The following MROH1 variants were observed in gnomAD, a reference collection of about 807,000 sequenced individuals.
MROH1 encodes maestro heat like repeat family member 1.
A neutral mutation model predicts 116.5 loss-of-function variants in MROH1; 117 were observed. The observed-to-expected ratio is 1.00, with a 90% CI of 0.86 to 1.17. MROH1 has a LOEUF of 1.17. Ranked by LOEUF, MROH1 falls within the 50% of genes most tolerant of loss-of-function variation. The pLI is 0.00. For missense variants in MROH1, 1,873 were observed against 1,338.5 expected, an observed-to-expected ratio of 1.40 and a Z score of -6.23; for synonymous variants, 921 against 583.9, an observed-to-expected ratio of 1.58 and a Z score of -8.32.
chr8:144,168,562 A>C (rs571399234), intron 4 of MROH1, 122 bp downstream of exon 4: 2 of 1,176,348 alleles, frequency 1.7e-6, no homozygotes, highest in Non-Finnish European at 2.4e-6. Context: ...GGGTGGCCAC[A>C]TGTCTAACCC....
chr8:144,235,796 C>A (rs1479636741), intron 14 of MROH1, among the ~76,000 whole-genome samples: 1 of 152,038 alleles, frequency 6.6e-6, no homozygotes, highest in East Asian at 1.9e-4. Flanking sequence ...TTTTCTTATG[C>A]CTTTGTATGA....
intron 1 of MROH1, among the ~76,000 whole-genome samples, chr8:144,152,755 G>T (rs1226611024): frequency 6.6e-6 from 1 of 151,966 alleles, no homozygotes; most frequent in African/African-American, 2.4e-5. Context: ...TACTGTGTTG[G>T]CCAGGATGGT....
chr8:144,253,147 C>T (rs1215045731), intron 33 of MROH1, among the ~76,000 whole-genome samples: 1 of 150,982 alleles, frequency 6.6e-6, no homozygotes, highest in African/African-American at 2.4e-5. Flanking sequence ...GAGCAAGACT[C>T]TGTCTCAAAA....
At chr8:144,208,190 C>G (rs184026893) in intron 12 of MROH1, among the ~76,000 whole-genome samples, 1 of 152,096 alleles carries the variant, frequency 6.6e-6, no homozygotes, top group Non-Finnish European at 1.5e-5. Context: ...GTGATCCGCC[C>G]GCCTCGGCCT....
chr8:144,158,331 T>C (rs1818676145), intron 1 of MROH1, among the ~76,000 whole-genome samples: 1 of 151,848 alleles, frequency 6.6e-6, no homozygotes, highest in Admixed American at 6.6e-5. Flanking sequence ...TTTCACTGTG[T>C]TGGTCAGGCT....
intron 13 of MROH1, among the ~76,000 whole-genome samples, chr8:144,222,240 G>A (rs979715031): frequency 6.6e-6 from 1 of 152,304 alleles, no homozygotes; most frequent in East Asian, 1.9e-4. Context: ...GGGGTTGGGG[G>A]CAGGGTGGCT....
intron 1 of MROH1, among the ~76,000 whole-genome samples, chr8:144,158,503 C>G (rs1190644186): frequency 6.6e-6 from 1 of 152,162 alleles, no homozygotes; most frequent in Non-Finnish European, 1.5e-5. Context: ...TTCTTCTTTT[C>G]TAAAAAGACA....
chr8:144,255,845 C>T (rs1269435516), intron 35 of MROH1, 140 bp downstream of exon 35: 1 of 633,566 alleles, frequency 1.6e-6, no homozygotes, highest in Non-Finnish European at 2.9e-6. Context: ...GCTGGCGCCT[C>T]ACCCAGGTGC....
chr8:144,185,248 C>T (rs1161334039), intron 7 of MROH1, among the ~76,000 whole-genome samples: 1 of 152,112 alleles, frequency 6.6e-6, no homozygotes, highest in Non-Finnish European at 1.5e-5. Flanking sequence ...GAAGTGGGAG[C>T]TGAGCCCTCC....
At chr8:144,185,658 G>A (rs530544403) in intron 7 of MROH1, among the ~76,000 whole-genome samples, 2 of 55,304 alleles carry the variant, frequency 3.6e-5, no homozygotes, top group Admixed American at 1.9e-4. Context: ...GGTGAGGGGC[G>A]GCGCAGGGAC....
Position 144,260,390 on chromosome 8 carries a change from CA to C in MROH1, c.4380+17del, listed in dbSNP as rs1437679689. On this transcript the variant is annotated intron_variant, in intron 39 of 43. Transcript: ENST00000326134. ...CTTCGACAGTGTAGGCTGGTTGGGG[CA>C]GGGGGAGGGAAGAGGGCCCCAGCCC... 11,070 of 709,690 alleles carry C rather than the reference CA, an allele frequency of 0.016. 126 individuals are homozygous for C. The highest frequency in any genetic ancestry group is 0.024 in the Middle Eastern group (66 of 2,782). The allele number at this position is 709,690 out of a possible 1,614,324, so 44.0% of individuals were successfully genotyped here.
Position 144,154,461 on chromosome 8 carries a change from C to G in MROH1, c.-177+6385C>G, listed in dbSNP as rs1029031299. On this transcript the variant is annotated intron_variant, in intron 1 of 43. Coordinates refer to ENST00000326134, the MANE Select transcript of MROH1 (RefSeq NM_032450.3). ...GGTGTCATTCAAGGCACTGACTAAA[C>G]CTGATGAAGAATGTGGGAGAACCAC... Among the ~76,000 whole-genome samples the G allele has an allele frequency of 2.1e-4, 32 of 152,192 alleles. No homozygotes were observed. In the South Asian group the frequency reaches 6.6e-3, roughly 32 times the overall value.
At chr8:144,177,718 C>T (rs545008413) in intron 4 of MROH1, among the ~76,000 whole-genome samples, 9 of 152,274 alleles carry the variant, frequency 5.9e-5, no homozygotes, top group Non-Finnish European at 1.0e-4. Flanking sequence ...CGACTTCCCC[C>T]TTTGATGCTG....
intron 33 of MROH1, among the ~76,000 whole-genome samples, chr8:144,253,012 G>C (rs1375915920): frequency 6.7e-6 from 1 of 149,072 alleles, no homozygotes; most frequent in Non-Finnish European, 1.5e-5. Flanking sequence ...GAATTAGCTA[G>C]GCGTGGCAGC....
chr8:144,185,019 G>A (rs1826603025), intron 7 of MROH1, among the ~76,000 whole-genome samples: 1 of 152,232 alleles, frequency 6.6e-6, no homozygotes, highest in Non-Finnish European at 1.5e-5. Context: ...CCCCGCGCCA[G>A]CAAGAAAGGA....
chr8:144,203,472 G>T (rs1832128324), intron 12 of MROH1, among the ~76,000 whole-genome samples: 1 of 150,690 alleles, frequency 6.6e-6, no homozygotes, highest in African/African-American at 2.5e-5. Context: ...GGAAGGGAGG[G>T]AAGCGCAGGC....
chr8:144,223,134 T>C lies in MROH1; in HGVS notation c.1242T>C (p.Ile414=), dbSNP rs1837144015. 6.2e-7 allele frequency: 1 copy of C among 1,613,202 alleles called. No homozygotes were observed. Among genetic ancestry groups the C allele is most frequent in the Non-Finnish European group, 8.5e-7 (1 of 1,179,636 alleles). ...SKVKRAVVQV[I]SAMAHHGYLE... ...TGAAGCGGGCAGTGGTGCAGGTGAT[T>C]AGCGCCATGGCCCACCACGGCTACC... The change falls in exon 14 of 44, where the codon ATT becomes ATC. Residue 414 remains isoleucine, a synonymous_variant. Coordinates refer to ENST00000326134, the MANE Select transcript of MROH1 (RefSeq NM_032450.3).
chr8:144,248,543 T>G (rs1345929118), intron 31 of MROH1, among the ~76,000 whole-genome samples: 1 of 152,108 alleles, frequency 6.6e-6, no homozygotes, highest in African/African-American at 2.4e-5. Context: ...TCTAGAGAGC[T>G]CCAGGGCGAC....
At chr8:144,246,270 G>A (rs1196536285) in intron 29 of MROH1, among the ~76,000 whole-genome samples, 12 of 151,324 alleles carry the variant, frequency 7.9e-5, no homozygotes, top group Non-Finnish European at 1.2e-4. Context: ...CACCACTGCC[G>A]GCTAATTTTT....
Sources: allele counts gnomAD v4.1 joint callset (sites outside exome capture counted in the v4.1 genomes callset), GRCh38; gene constraint gnomAD v4.1.1; transcripts MANE v1.5; gene names NCBI Gene and HGNC (gene_info 2026-07-23, HGNC 2026-07-21).